Variants in GAD1 observed in about 807,000 individuals in gnomAD.
The protein encoded by GAD1 is 67 kDa glutamic acid decarboxylase.
In GAD1, 35 loss-of-function variants were observed where a neutral mutation model predicts 75.2. The ratio of observed to expected loss-of-function variants is 0.47; its 90% CI spans 0.36 to 0.62. The LOEUF (loss-of-function observed/expected upper bound fraction) is 0.62, where lower values mean the gene tolerates loss of function less well. GAD1 is among the 20% of genes least tolerant of loss of function. The pLI is 0.00. For synonymous variants in GAD1, 257 were observed against 271.9 expected, an observed-to-expected ratio of 0.95 and a Z score of 0.54; for missense variants, 490 against 758.5, an observed-to-expected ratio of 0.65 and a Z score of 4.16.
At chr2:170,828,962 T>TGCTATCCTCATCTTCCTCCCTCA (rs1702143033) in intron 3 of GAD1, 1 of 237,592 alleles carries the variant, frequency 4.2e-6, no homozygotes, top group African/African-American at 2.4e-5. Flanking sequence ...CTCCTCCCTC[T>TGCTATCCTCATCTTCCTCCCTCA]GCTATCCTCA....
chr2:170,836,158 C>T (rs1302451627), intron 5 of GAD1, among the ~76,000 whole-genome samples: 1 of 151,396 alleles, frequency 6.6e-6, no homozygotes, highest in African/African-American at 2.4e-5. Flanking sequence ...GGAAACACAG[C>T]AGTCAGCATA....
intron 5 of GAD1, among the ~76,000 whole-genome samples, chr2:170,834,000 CAA>C (rs780406848): frequency 4.4e-5 from 6 of 137,514 alleles, no homozygotes; most frequent in Admixed American, 1.5e-4. Context: ...GACCCTGTTT[CAA>C]AAAAAAAAAA....
At chr2:170,843,919 G>A in intron 6 of GAD1, 126 bp from the exon 7 acceptor site, 2 of 690,512 alleles carry the variant, frequency 2.9e-6, no homozygotes, top group Non-Finnish European at 5.3e-6. Flanking sequence ...AATGAATCAT[G>A]TTAGTGGTTT....
At chr2:170,814,997 G>A (rs1346791905), upstream of GAD1, among the ~76,000 whole-genome samples, 4 of 152,110 alleles carry the variant, frequency 2.6e-5, no homozygotes, top group African/African-American at 7.2e-5. Context: ...GAAGAACGAG[G>A]GGCACCGGGA....
Position 170,829,632 on chromosome 2 carries a change from A to C in GAD1, c.303A>C (p.Arg101Ser). 1 of 1,612,814 alleles carries C rather than the reference A, an allele frequency of 6.2e-7. No individual in the cohort carries two copies. The highest frequency in any genetic ancestry group is 8.5e-7 in the Non-Finnish European group (1 of 1,179,990). The change falls in exon 4 of 17, where the codon AGA becomes AGC. Residue 101 changes from arginine to serine, a missense_variant and splice_region_variant. By Grantham distance (110) the Arg-to-Ser change is moderately radical (BLOSUM62 -1). Coordinates refer to ENST00000358196, the MANE Select transcript of GAD1 (RefSeq NM_000817.3). The part of the protein sequence containing the change: ...TETDFSNLFA[R>S]DLLPAKNGEE... ...CTGACTTCTCTAATCTGTTTGCTAG[A>C]GGTAGCCCCTGCCCCACTCCCGCCC...
chr2:170,824,760 G>A (rs1701983973), intron 3 of GAD1, among the ~76,000 whole-genome samples: 1 of 152,186 alleles, frequency 6.6e-6, no homozygotes, highest in Non-Finnish European at 1.5e-5. Context: ...GTCTTGCCAA[G>A]AGCTGGAGAG....
chr2:170,817,618 C>G (rs1701744093), intron 1 of GAD1: 1 of 152,374 alleles, frequency 6.6e-6, no homozygotes, highest in African/African-American at 2.4e-5. Context: ...GCGCCAGCGC[C>G]GAGAGTCGAG....
chr2:170,829,420 C>T, intron 3 of GAD1, 55 bp from the exon 4 acceptor site: 1 of 1,598,424 alleles, frequency 6.3e-7, no homozygotes, highest in Non-Finnish European at 8.6e-7. Context: ...TGCAGCTGAC[C>T]CTCAGGGGCT....
Position 170,830,942 on chromosome 2 carries a change from C to T in GAD1, c.305-8C>T. 2 of 1,614,178 alleles carry T rather than the reference C, an allele frequency of 1.2e-6. No individual in the cohort carries two copies. Among genetic ancestry groups the T allele is most frequent in the Non-Finnish European group, 1.7e-6 (2 of 1,180,020 alleles). On this transcript the variant is annotated splice_polypyrimidine_tract_variant and splice_region_variant and intron_variant, in intron 4 of 16. Coordinates refer to ENST00000358196, the MANE Select transcript of GAD1 (RefSeq NM_000817.3). Reference sequence around the variant, plus strand: ...GGTGAAAACCATTCATTGCTCTCCCCAATTCAGATCTGCTTCCGGCTAAGA... The same window carrying T: ...GGTGAAAACCATTCATTGCTCTCCCTAATTCAGATCTGCTTCCGGCTAAGA...
intron 7 of GAD1, chr2:170,845,278 C>T (rs1702605504): frequency 1.7e-6 from 1 of 598,984 alleles, no homozygotes; most frequent in Non-Finnish European, 3.0e-6. Context: ...CGAATCACCT[C>T]CAGCCAAATT....
chr2:170,849,483 C>A (rs923004230), intron 12 of GAD1, 133 bp downstream of exon 12: 3 of 810,534 alleles, frequency 3.7e-6, no homozygotes, highest in African/African-American at 3.4e-5. Context: ...GTTCAGCAGG[C>A]ATTTGTTGAG....
At chr2:170,844,747 A>G (rs1023486372) in intron 7 of GAD1, among the ~76,000 whole-genome samples, 2 of 152,208 alleles carry the variant, frequency 1.3e-5, no homozygotes, top group African/African-American at 4.8e-5. Context: ...TAAAATAAGA[A>G]TTTTTAAAAC....
chr2:170,829,692 T>C, intron 4 of GAD1, 59 bp downstream of exon 4: 1 of 1,577,792 alleles, frequency 6.3e-7, no homozygotes, highest in Non-Finnish European at 8.7e-7. Context: ...TTGAGTTTCT[T>C]GACTTTTTCC....
At position 170,858,785 on chromosome 2, in the gene GAD1, T is replaced by C; in HGVS notation, c.1522-19T>C. ...AAGTTATCCTAATTTTCTTTGTTTG[T>C]CTTTTAAAATCTCTGCAGCCTGAGC... On this transcript the variant is annotated intron_variant, in intron 15 of 16. Transcript: ENST00000358196. The C allele has an allele frequency of 6.2e-7, 1 of 1,611,914 alleles. No individual in the cohort carries two copies. Among genetic ancestry groups the C allele is most frequent in the Non-Finnish European group, 8.5e-7 (1 of 1,178,072 alleles).
At chr2:170,849,220 A>G in intron 11 of GAD1, 66 bp from the exon 12 acceptor site, 2 of 1,353,220 alleles carry the variant, frequency 1.5e-6, no homozygotes, top group Non-Finnish European at 2.1e-6. Context: ...AGAAGTGAGG[A>G]CTGACTAGTT....
At chr2:170,816,198 A>C (rs1011351463), upstream of GAD1, 1 of 152,424 alleles carries the variant, frequency 6.6e-6, no homozygotes, top group Non-Finnish European at 1.5e-5. Flanking sequence ...GAGCGAGCGC[A>C]TAGCAAAAGG....
Position 170,845,604 on chromosome 2 carries a change from C to T in GAD1, c.850C>T (p.Leu284Phe), listed in dbSNP as rs780519382. 9.9e-6 allele frequency: 16 copies of T among 1,614,002 alleles called. No individual in the cohort carries two copies. Among genetic ancestry groups the T allele is most frequent in the Non-Finnish European group, 1.3e-5 (15 of 1,179,996 alleles). ...CATGGCGGCTGTGCCTAAACTGGTCCTCTTCACCTCAGAACAGGTGAGTCG... is the reference window on the plus strand; with the variant it reads ...CATGGCGGCTGTGCCTAAACTGGTCTTCTTCACCTCAGAACAGGTGAGTCG... ...KGMAAVPKLV[L>F]FTSEQSHYSI... is the part of the protein sequence containing the mutation. Residue 284 changes from leucine (L) to phenylalanine (F), a missense_variant, in exon 8 of 17, where the codon CTC becomes TTC. Around this residue, in one of 3 missense-constraint regions of GAD1, gnomAD observed 324 missense variants for 523.9 expected, o/e 0.62. Transcript: ENST00000358196.
intron 2 of GAD1, among the ~76,000 whole-genome samples, chr2:170,820,818 G>A (rs1031531482): frequency 2.0e-5 from 3 of 152,112 alleles, no homozygotes; most frequent in African/African-American, 7.2e-5. Context: ...GAGCCTCGAT[G>A]TTTTTTCTTT....
At chr2:170,851,670 C>T (rs1307814877) in intron 12 of GAD1, among the ~76,000 whole-genome samples, 1 of 152,186 alleles carries the variant, frequency 6.6e-6, no homozygotes, top group Non-Finnish European at 1.5e-5. Flanking sequence ...AAATGCAGCA[C>T]CTAGCTATAG....
Sources: gnomAD v4.1 joint callset for allele counts (sites outside exome capture counted in the v4.1 genomes callset) on GRCh38, gnomAD v4.1.1 for gene constraint, gnomAD v4.1.1 regional missense constraint, MANE v1.5 for transcripts, NCBI Gene and HGNC (gene_info 2026-07-23, HGNC 2026-07-21) for gene names.